SOX5: variants seen among roughly 807,000 people sequenced by gnomAD.
The protein encoded by SOX5 is transcription factor SOX-5.
A neutral mutation model predicts 92.0 loss-of-function variants in SOX5; 9 were observed. The observed-to-expected ratio is 0.10, with a 90% CI of 0.06 to 0.17. The LOEUF is 0.17. Ranked by LOEUF, SOX5 falls within the 10% of genes least tolerant of loss-of-function variation. The pLI, the probability that SOX5 is intolerant of heterozygous loss-of-function variation, is 1.00. For missense variants in SOX5, 642 were observed against 944.5 expected, an observed-to-expected ratio of 0.68 and a Z score of 4.20; for synonymous variants, 344 against 336.3, an observed-to-expected ratio of 1.02 and a Z score of -0.25.
At chr12:23,985,334 A>T (rs1186502359) in intron 4 of SOX5, among the ~76,000 whole-genome samples, 1 of 152,024 alleles carries the variant, frequency 6.6e-6, no homozygotes, top group African/African-American at 2.4e-5. Flanking sequence ...CTGTAGCCTC[A>T]AACTCCTGGC....
intron 3 of SOX5, among the ~76,000 whole-genome samples, chr12:23,828,993 C>T (rs1156673296): frequency 6.6e-6 from 1 of 152,118 alleles, no homozygotes; most frequent in Non-Finnish European, 1.5e-5. Flanking sequence ...AAGAGTAGTT[C>T]AGATGGGTAC....
At chr12:24,350,910 G>C (rs520963) in intron 2 of SOX5, among the ~76,000 whole-genome samples, 3 of 151,686 alleles carry the variant, frequency 2.0e-5, no homozygotes, top group African/African-American at 7.3e-5. Context: ...AAAATTAGCC[G>C]AGTATGATGG....
intron 2 of SOX5, among the ~76,000 whole-genome samples, chr12:23,863,648 A>G (rs2096779546): frequency 6.6e-6 from 1 of 152,100 alleles, no homozygotes. Flanking sequence ...CTGATACTCT[A>G]GTTTGGTTTC....
intron 4 of SOX5, among the ~76,000 whole-genome samples, chr12:24,199,026 C>T (rs939619389): frequency 2.0e-5 from 3 of 152,104 alleles, no homozygotes; most frequent in Non-Finnish European, 4.4e-5. Flanking sequence ...GATCAAGGTC[C>T]GAGAGGCTGG....
chr12:23,951,104 G>A, upstream of SOX5: 1 of 491,998 alleles, frequency 2.0e-6, no homozygotes, highest in East Asian at 3.1e-5. Flanking sequence ...GGAAAAAAAA[G>A]CCTTCCATTG....
At chr12:23,588,426 G>A (rs1951047361) in intron 9 of SOX5, among the ~76,000 whole-genome samples, 2 of 151,956 alleles carry the variant, frequency 1.3e-5, no homozygotes, top group Admixed American at 6.6e-5. Flanking sequence ...TTAAGAAATA[G>A]TCCATTAAAA....
intron 10 of SOX5, 53 bp downstream of exon 10, chr12:23,575,608 C>T (rs1432623174): frequency 2.6e-6 from 4 of 1,547,518 alleles, no homozygotes; most frequent in African/African-American, 2.7e-5. Context: ...AAGATGATTC[C>T]ATTCAATAGC....
intron 3 of SOX5, among the ~76,000 whole-genome samples, chr12:23,819,645 T>C (rs889330326): frequency 6.6e-6 from 1 of 152,170 alleles, no homozygotes; most frequent in Non-Finnish European, 1.5e-5. Context: ...GTTCTCATTG[T>C]TCAACTCCCA....
intron 1 of SOX5, among the ~76,000 whole-genome samples, chr12:24,384,403 A>AGG (rs35044354): frequency 0.097 from 14,790 of 152,206 alleles, 813 homozygotes; most frequent in Middle Eastern, 0.16. Context: ...TCTGCATCCC[A>AGG]GGGACTGGGG....
intron 2 of SOX5, among the ~76,000 whole-genome samples, chr12:24,317,216 C>T (rs1453275316): frequency 6.6e-6 from 1 of 152,168 alleles, no homozygotes; most frequent in African/African-American, 2.4e-5. Flanking sequence ...ATTTTTAACA[C>T]ATTTAAGAAA....
rs558529042 is a variant in SOX5, at chr12:24,125,557, G to C, written c.-2+87786C>G. On this transcript the variant is annotated intron_variant, in intron 4 of 4. Transcript: ENST00000446891. Reference sequence around the variant, plus strand: ...CCCCTTCTGTTTTCCCAACTCTCTTGGACACGATCTCTGAGTAGCAGTAAA... The same window carrying C: ...CCCCTTCTGTTTTCCCAACTCTCTTCGACACGATCTCTGAGTAGCAGTAAA... Among the ~76,000 whole-genome samples, 3 of 152,080 alleles carry C rather than the reference G, an allele frequency of 2.0e-5. No homozygotes were observed. The South Asian group carries it at 6.2e-4, about 32-fold the overall frequency.
intron 3 of SOX5, among the ~76,000 whole-genome samples, chr12:24,223,871 G>A (rs981005939): frequency 3.3e-5 from 5 of 152,138 alleles, no homozygotes; most frequent in East Asian, 1.9e-4. Context: ...AGACTGACTC[G>A]ACCTATTGTT....
At chr12:24,302,544 T>C (rs1948096552) in intron 2 of SOX5, among the ~76,000 whole-genome samples, 1 of 151,546 alleles carries the variant, frequency 6.6e-6, no homozygotes, top group South Asian at 2.1e-4. Flanking sequence ...GAGGGATGGA[T>C]CTATGAGTTT....
At chr12:24,048,442 T>C (rs1957251935) in intron 4 of SOX5, among the ~76,000 whole-genome samples, 1 of 152,176 alleles carries the variant, frequency 6.6e-6, no homozygotes, top group African/African-American at 2.4e-5. Flanking sequence ...TTCTTCAAAA[T>C]ATTAAACATA....
At chr12:23,560,644 G>A (rs542023632) in intron 11 of SOX5, among the ~76,000 whole-genome samples, 8 of 152,270 alleles carry the variant, frequency 5.3e-5, no homozygotes, top group East Asian at 1.9e-4. Context: ...ATATTTTCTG[G>A]TTTAATACAA....
chr12:24,226,312 A>T (rs1208110428), intron 3 of SOX5, among the ~76,000 whole-genome samples: 1 of 152,168 alleles, frequency 6.6e-6, no homozygotes, highest in Non-Finnish European at 1.5e-5. Context: ...TTGCAGGAAC[A>T]AGCAAATGTA....
chr12:24,308,367 T>G (rs1948826214), intron 2 of SOX5, among the ~76,000 whole-genome samples: 2 of 152,228 alleles, frequency 1.3e-5, no homozygotes, highest in Admixed American at 6.5e-5. Context: ...ACCTCTCAAG[T>G]TGCCCGTTTG....
chr12:23,813,049 T>A (rs1219318248), intron 3 of SOX5, among the ~76,000 whole-genome samples: 1 of 152,194 alleles, frequency 6.6e-6, no homozygotes, highest in Non-Finnish European at 1.5e-5. Flanking sequence ...TCTAATTGTA[T>A]TTCTAAACCA....
intron 4 of SOX5, among the ~76,000 whole-genome samples, chr12:24,112,983 C>T (rs1256125782): frequency 1.3e-5 from 2 of 151,770 alleles, no homozygotes; most frequent in Non-Finnish European, 2.9e-5. Context: ...TCCTCTTACA[C>T]TGGTTCCCAA....
Sources: gnomAD v4.1 joint callset for allele counts (sites outside exome capture counted in the v4.1 genomes callset) on GRCh38, gnomAD v4.1.1 for gene constraint, MANE v1.5 for transcripts, NCBI Gene and HGNC (gene_info 2026-07-23, HGNC 2026-07-21) for gene names.